SLTM: variants seen among roughly 807,000 people sequenced by gnomAD.
The protein encoded by SLTM is SAFB-like transcription modulator.
Under a neutral mutation model 134.6 loss-of-function variants are expected in SLTM, and 43 were observed. The observed-to-expected ratio is 0.32, with a 90% CI of 0.25 to 0.41. The LOEUF is 0.41. Among genes scored for constraint, SLTM ranks in the 10% least tolerant of loss-of-function variants. The pLI is 1.00. For missense variants in SLTM, 1,055 were observed against 1,288.8 expected (o/e 0.82, Z 2.78); for synonymous variants, 424 against 432.3 (o/e 0.98, Z 0.24).
Position 58,886,971 on chromosome 15 carries a change from T to G in SLTM, c.2835+4A>C, listed in dbSNP as rs773248368. 6.2e-7 allele frequency: 1 copy of G among 1,612,272 alleles called. No homozygotes were observed. The highest frequency in any genetic ancestry group is 2.2e-5 in the East Asian group (1 of 44,880). On this transcript the variant is annotated splice_donor_region_variant and intron_variant, in intron 19 of 20. Transcript: ENST00000380516. Reference sequence around the variant, plus strand: ...GCTCGCGGCAAGCCTCCCGCAGCACTTACCTGTGATCCACCTCCTCGGTCT... The same window carrying G: ...GCTCGCGGCAAGCCTCCCGCAGCACGTACCTGTGATCCACCTCCTCGGTCT...
chr15:58,913,453 AACTT>A, intron 4 of SLTM, 42 bp downstream of exon 4: 1 of 1,457,136 alleles, frequency 6.9e-7, no homozygotes, highest in Non-Finnish European at 9.3e-7. Context: ...TATTATTTAA[AACTT>A]AATTTATCTG....
intron 5 of SLTM, among the ~76,000 whole-genome samples, chr15:58,904,138 G>T (rs1211171387): frequency 6.6e-6 from 1 of 152,030 alleles, no homozygotes; most frequent in Non-Finnish European, 1.5e-5. Flanking sequence ...CGAGTAGCTG[G>T]AACCACAGGT....
intron 2 of SLTM, chr15:58,921,728 A>G (rs1329194616): frequency 8.3e-6 from 2 of 242,372 alleles, no homozygotes; most frequent in African/African-American, 4.6e-5. Flanking sequence ...TGTTTTACAC[A>G]TCGTAAATTA....
In SLTM at chr15:58,890,252, T is replaced by C. The variant is rs376011406; in HGVS notation, c.2079+29A>G. ...CACAGAGTCTGAAAAAGGTGAGTTA[T>C]TTAAGATGAAAAGATTTTCTGACTG... On this transcript the variant is annotated intron_variant, in intron 15 of 20. Transcript: ENST00000380516. 4.3e-6 allele frequency: 7 copies of C among 1,609,646 alleles called. No individual in the cohort carries two copies. In the African/African-American group the frequency reaches 9.4e-5, roughly 22 times the overall value.
chr15:58,920,510 C>G (rs963432536), intron 2 of SLTM, among the ~76,000 whole-genome samples: 1 of 151,444 alleles, frequency 6.6e-6, no homozygotes, highest in East Asian at 1.9e-4. Context: ...GTAATCCCAG[C>G]TAATTGGGAG....
At chr15:58,908,899 T>C (rs1015119596) in intron 5 of SLTM, among the ~76,000 whole-genome samples, 19 of 152,380 alleles carry the variant, frequency 1.2e-4, no homozygotes, top group African/African-American at 3.8e-4. Flanking sequence ...AGTTGTTGTA[T>C]GTGTACCGTG....
chr15:58,912,998 T>A (rs553747468), intron 4 of SLTM, among the ~76,000 whole-genome samples: 1 of 152,200 alleles, frequency 6.6e-6, no homozygotes, highest in Non-Finnish European at 1.5e-5. Context: ...TAAACTTTCA[T>A]AAGTAATTCC....
intron 5 of SLTM, among the ~76,000 whole-genome samples, chr15:58,906,878 A>G (rs181994664): frequency 5.3e-5 from 8 of 152,350 alleles, no homozygotes; most frequent in Admixed American, 3.3e-4. Flanking sequence ...CACTATGTTA[A>G]GTACGATAGA....
At chr15:58,882,477 C>T (rs2033820114) in intron 20 of SLTM, among the ~76,000 whole-genome samples, 1 of 152,080 alleles carries the variant, frequency 6.6e-6, no homozygotes, top group South Asian at 2.1e-4. Context: ...GTCACAAAGG[C>T]AGAAAGAAAA....
chr15:58,928,130 G>A (rs1477667022), intron 2 of SLTM, among the ~76,000 whole-genome samples: 2 of 151,934 alleles, frequency 1.3e-5, no homozygotes, highest in African/African-American at 4.8e-5. Context: ...TTTTAATGTC[G>A]GTAAGTATTG....
At position 58,897,230 on chromosome 15, in the gene SLTM, C is replaced by A; in HGVS notation, c.1112G>T (p.Ser371Ile). The change falls in exon 9 of 21, where the codon AGT becomes ATT. Residue 371 changes from serine to isoleucine, a missense_variant. Physicochemically the swap from Ser to Ile is moderately radical, Grantham distance 142 (BLOSUM62 -2). Transcript: ENST00000380516. ...SKTSSKDDKGSTSSTSGSSGS... is the reference protein window; with the variant it reads ...SKTSSKDDKGITSSTSGSSGS... Reference sequence around the variant, plus strand: ...ACTGCTACCACTAGTACTACTTGTACTTCCTAGAATAGATTTAATATCAGA... The same window carrying A: ...ACTGCTACCACTAGTACTACTTGTAATTCCTAGAATAGATTTAATATCAGA... 1 of 1,555,810 alleles carries A rather than the reference C, an allele frequency of 6.4e-7. No individual in the cohort carries two copies. Among genetic ancestry groups the A allele is most frequent in the Non-Finnish European group, 8.9e-7 (1 of 1,127,684 alleles).
Position 58,932,460 on chromosome 15 carries a change from A to C in SLTM, c.163-17T>G. 1 of 1,523,616 alleles carries C rather than the reference A, an allele frequency of 6.6e-7. No individual in the cohort carries two copies. The highest frequency in any genetic ancestry group is 9.1e-7 in the Non-Finnish European group (1 of 1,097,708). 94.4% of individuals were successfully genotyped at this position (1,523,616 alleles called of 1,614,324 possible). On this transcript the variant is annotated splice_polypyrimidine_tract_variant and intron_variant, in intron 1 of 20. Transcript: ENST00000380516. The stretch of plus-strand genomic sequence containing the variant: ...TTCAATAGCCTACATTAGAAAGAGA[A>C]GTTAATATGCTACACAATCTATCTA...
chr15:58,927,841 G>A (rs1439288749), intron 2 of SLTM, among the ~76,000 whole-genome samples: 1 of 152,074 alleles, frequency 6.6e-6, no homozygotes, highest in African/African-American at 2.4e-5. Context: ...TACAGCTGGA[G>A]GAAAAAAGCT....
At chr15:58,930,375 C>T (rs1198975167) in intron 2 of SLTM, among the ~76,000 whole-genome samples, 1 of 151,602 alleles carries the variant, frequency 6.6e-6, no homozygotes, top group Non-Finnish European at 1.5e-5. Flanking sequence ...GGTGATCCAC[C>T]CGCCTCAGCC....
intron 2 of SLTM, among the ~76,000 whole-genome samples, chr15:58,922,495 ATAT>A (rs2037134359): frequency 1.4e-5 from 2 of 146,196 alleles, no homozygotes; most frequent in Middle Eastern, 3.6e-3. Context: ...TACAATATGC[ATAT>A]TATATATTAT....
chr15:58,919,839 T>C (rs1005782531), intron 2 of SLTM, among the ~76,000 whole-genome samples: 11 of 152,174 alleles, frequency 7.2e-5, no homozygotes, highest in Non-Finnish European at 1.2e-4. Context: ...CATAGGTCCA[T>C]TATCACAATT....
At chr15:58,917,915 A>T (rs1258524139) in intron 2 of SLTM, among the ~76,000 whole-genome samples, 1 of 151,838 alleles carries the variant, frequency 6.6e-6, no homozygotes, top group African/African-American at 2.4e-5. Flanking sequence ...ATGCCTGGCT[A>T]ATTTTTGTAT....
At chr15:58,923,265 G>A (rs1212176480) in intron 2 of SLTM, among the ~76,000 whole-genome samples, 4 of 152,080 alleles carry the variant, frequency 2.6e-5, no homozygotes, top group Admixed American at 2.0e-4. Context: ...GGCCGATGTG[G>A]GAGGATACCA....
intron 5 of SLTM, among the ~76,000 whole-genome samples, chr15:58,902,479 G>A (rs1595877784): frequency 6.6e-6 from 1 of 150,612 alleles, no homozygotes; most frequent in African/African-American, 2.4e-5. Context: ...CTCAACCCCT[G>A]GGCTCAAGTG....
Sources: allele counts gnomAD v4.1 joint callset (sites outside exome capture counted in the v4.1 genomes callset), GRCh38; gene constraint gnomAD v4.1.1; transcripts MANE v1.5; gene names NCBI Gene and HGNC (gene_info 2026-07-23, HGNC 2026-07-21).